CLVS1: variants seen among roughly 807,000 people sequenced by gnomAD.
The protein encoded by CLVS1 is clavesin 1, also known as clavesin-1.
In CLVS1, 10 loss-of-function variants were observed where a neutral mutation model predicts 33.1. That is an observed-to-expected ratio of 0.30 (90% CI 0.19 to 0.51). The LOEUF is 0.51. CLVS1 is among the 20% of genes least tolerant of loss of function. The probability of loss-of-function intolerance (pLI) is 0.97; values close to 1 mark genes in which losing one functional copy is unlikely to be tolerated. For missense variants in CLVS1, 343 were observed against 433.4 expected (o/e 0.79, Z 1.85); for synonymous variants, 163 against 166.1 (o/e 0.98, Z 0.14).
chr8:61,453,087 ATT>A (rs11420974), intron 3 of CLVS1, among the ~76,000 whole-genome samples: 1 of 148,384 alleles, frequency 6.7e-6, no homozygotes, highest in African/African-American at 2.5e-5. Flanking sequence ...TCTTGCTAAC[ATT>A]TTTTTTTTTA....
chr8:61,183,737 G>A (rs1807286351), intron 2 of CLVS1, among the ~76,000 whole-genome samples: 1 of 152,030 alleles, frequency 6.6e-6, no homozygotes, highest in South Asian at 2.1e-4. Flanking sequence ...ACTCTATTAA[G>A]GAAGAGATTT....
intron 1 of CLVS1, among the ~76,000 whole-genome samples, chr8:61,087,035 G>A (rs548884210): frequency 6.6e-6 from 1 of 152,366 alleles, no homozygotes; most frequent in Admixed American, 6.5e-5. Flanking sequence ...GGCCCTGGGT[G>A]CTAACTCCCA....
intron 2 of CLVS1, among the ~76,000 whole-genome samples, chr8:61,237,060 C>T (rs1296778959): frequency 6.6e-6 from 1 of 152,068 alleles, no homozygotes; most frequent in Non-Finnish European, 1.5e-5. Context: ...TGTGACGTCC[C>T]AAAGAGAAAT....
chr8:61,212,661 G>A (rs1205312008), intron 2 of CLVS1, among the ~76,000 whole-genome samples: 1 of 152,196 alleles, frequency 6.6e-6, no homozygotes, highest in Non-Finnish European at 1.5e-5. Flanking sequence ...AGGTGGTGGT[G>A]TCAATGGAGA....
chr8:61,230,474 T>TA (rs1808409228), intron 2 of CLVS1, among the ~76,000 whole-genome samples: 1 of 152,210 alleles, frequency 6.6e-6, no homozygotes, highest in African/African-American at 2.4e-5. Flanking sequence ...ATTAATTAGG[T>TA]AATAGACATA....
At chr8:61,286,951 C>G (rs1809794704), upstream of CLVS1, among the ~76,000 whole-genome samples, 1 of 152,090 alleles carries the variant, frequency 6.6e-6, no homozygotes. Flanking sequence ...GTTTTAATAG[C>G]TATAAACATT....
At chr8:61,219,339 G>A (rs186971838) in intron 2 of CLVS1, among the ~76,000 whole-genome samples, 16 of 151,992 alleles carry the variant, frequency 1.1e-4, no homozygotes, top group African/African-American at 9.6e-5. Flanking sequence ...TGTTGTTCTC[G>A]TCTCTGTGTC....
intron 2 of CLVS1, among the ~76,000 whole-genome samples, chr8:61,315,507 G>A (rs80035006): frequency 6.6e-6 from 1 of 152,076 alleles, no homozygotes; most frequent in South Asian, 2.1e-4. Flanking sequence ...ACATGACTGT[G>A]ATCCTGCCAC....
At chr8:61,478,544 T>G (rs1186895389) in intron 5 of CLVS1, among the ~76,000 whole-genome samples, 10 of 152,234 alleles carry the variant, frequency 6.6e-5, no homozygotes, top group African/African-American at 2.4e-4. Context: ...GTTCTTCTTG[T>G]TGAATTGATC....
At chr8:61,459,990 A>G (rs538177241) in intron 5 of CLVS1, among the ~76,000 whole-genome samples, 124 of 152,134 alleles carry the variant, frequency 8.2e-4, no homozygotes, top group African/African-American at 2.9e-3. Context: ...TCCTTTTCTT[A>G]TAAGGACACC....
chr8:61,082,058 A>G (rs371639681), intron 1 of CLVS1, among the ~76,000 whole-genome samples: 93 of 152,368 alleles, frequency 6.1e-4, no homozygotes, highest in African/African-American at 2.2e-3. Context: ...GCTCTAATTG[A>G]AAAAGTGAAC....
chr8:61,463,953 G>T (rs1317378638), intron 5 of CLVS1, among the ~76,000 whole-genome samples: 1 of 151,814 alleles, frequency 6.6e-6, no homozygotes, highest in Non-Finnish European at 1.5e-5. Flanking sequence ...GGTGCCTATA[G>T]TCCTAGCTAC....
intron 5 of CLVS1, among the ~76,000 whole-genome samples, chr8:61,493,540 C>T (rs1034073862): frequency 4.6e-5 from 7 of 152,148 alleles, no homozygotes; most frequent in African/African-American, 1.7e-4. Flanking sequence ...CCGAATTCAC[C>T]CAAGATCACA....
At chr8:61,069,755 T>A (rs1347618975) in intron 1 of CLVS1, among the ~76,000 whole-genome samples, 1 of 152,212 alleles carries the variant, frequency 6.6e-6, no homozygotes, top group Non-Finnish European at 1.5e-5. Flanking sequence ...CACCACATTC[T>A]TGAGGCTTTC....
rs113382703 is a variant in CLVS1, at chr8:61,319,614, C to T, written c.455+19332C>T. On this transcript the variant is annotated intron_variant, in intron 2 of 5. Coordinates refer to ENST00000325897, the MANE Select transcript of CLVS1 (RefSeq NM_173519.3). The stretch of plus-strand genomic sequence containing the variant: ...CTGGTTAATTTGCTCCATAAGGCTT[C>T]AAGACCCTCATTCCTCTGATGAGTC... 2.7e-3 allele frequency among the ~76,000 whole-genome samples: 416 copies of T among 152,242 alleles called. 6 individuals carry two copies. The highest frequency in any genetic ancestry group is 9.0e-3 in the African/African-American group (375 of 41,544).
At chr8:61,341,864 C>T (rs1585828648) in intron 2 of CLVS1, among the ~76,000 whole-genome samples, 1 of 152,174 alleles carries the variant, frequency 6.6e-6, no homozygotes, top group East Asian at 1.9e-4. Flanking sequence ...AAAACAGCTG[C>T]TGTCTTCATT....
At chr8:61,146,080 C>T (rs1806408714) in intron 2 of CLVS1, among the ~76,000 whole-genome samples, 1 of 152,110 alleles carries the variant, frequency 6.6e-6, no homozygotes, top group African/African-American at 2.4e-5. Context: ...GGCAGCAGTG[C>T]CCTCTTTGGT....
At chr8:60,988,449 A>G in the CLVS1 span, among the ~76,000 whole-genome samples, 7 of 151,844 alleles carry the variant, frequency 4.6e-5, 1 homozygote, top group Admixed American at 4.6e-4. Context: ...AGGACATATG[A>G]CCTGTGATGC....
At chr8:61,232,022 G>GTTTTTTTTTTTTTTTTTTTTTTTTTTTTT (rs376185436) in intron 2 of CLVS1, among the ~76,000 whole-genome samples, 6 of 117,070 alleles carry the variant, frequency 5.1e-5, no homozygotes, top group African/African-American at 2.2e-4. Context: ...GGAAAGTTGT[G>GTTTTTTTTTTTTTTTTTTTTTTTTTTTTT]GTTTTTTTTT....
Sources: allele counts gnomAD v4.1 joint callset (sites outside exome capture counted in the v4.1 genomes callset), GRCh38; gene constraint gnomAD v4.1.1; transcripts MANE v1.5; gene names NCBI Gene and HGNC (gene_info 2026-07-23, HGNC 2026-07-21).